SLC41A2: variants seen among roughly 807,000 people sequenced by gnomAD.
The protein encoded by SLC41A2 is SLC41A1-like 1.
Under a neutral mutation model 58.3 loss-of-function variants are expected in SLC41A2, and 32 were observed. The observed-to-expected ratio is 0.55, with a 90% CI of 0.41 to 0.74. The LOEUF (loss-of-function observed/expected upper bound fraction) is 0.74. SLC41A2 is among the 30% of genes least tolerant of loss of function. The pLI, the probability that SLC41A2 is intolerant of heterozygous loss-of-function variation, is 0.00. For missense variants in SLC41A2, 514 were observed against 680.6 expected (o/e 0.76, Z 2.72); for synonymous variants, 190 against 235.0 (o/e 0.81, Z 1.75).
chr12:104,858,967 T>C (rs1166528303), intron 8 of SLC41A2, among the ~76,000 whole-genome samples: 1 of 152,254 alleles, frequency 6.6e-6, no homozygotes, highest in East Asian at 1.9e-4. Flanking sequence ...TAATTTAAGT[T>C]AAATTTCTTA....
intron 8 of SLC41A2, among the ~76,000 whole-genome samples, chr12:104,854,547 A>G (rs2042951931): frequency 6.8e-6 from 1 of 146,970 alleles, no homozygotes; most frequent in Admixed American, 6.9e-5. Flanking sequence ...TGGGCGAAAG[A>G]GCCAGACTCC....
At chr12:104,849,887 G>C (rs956428769) in intron 8 of SLC41A2, among the ~76,000 whole-genome samples, 1 of 152,142 alleles carries the variant, frequency 6.6e-6, no homozygotes, top group African/African-American at 2.4e-5. Flanking sequence ...CTACAATCTA[G>C]CAATTCCACT....
At chr12:104,871,843 C>T (rs1289236768) in intron 6 of SLC41A2, among the ~76,000 whole-genome samples, 1 of 152,052 alleles carries the variant, frequency 6.6e-6, no homozygotes, top group Non-Finnish European at 1.5e-5. Flanking sequence ...GCAGTTTTGT[C>T]CTTAAGAAGC....
At chr12:104,821,223 G>T in intron 10 of SLC41A2, among the ~76,000 whole-genome samples, 1 of 151,728 alleles carries the variant, frequency 6.6e-6, no homozygotes. Context: ...AGAGAGAGTT[G>T]GTTTCCTTTA....
chr12:104,904,273 T>C (rs1406187283), intron 3 of SLC41A2, among the ~76,000 whole-genome samples: 1 of 152,222 alleles, frequency 6.6e-6, no homozygotes, highest in African/African-American at 2.4e-5. Flanking sequence ...TGCTTAACTA[T>C]GTTTATCAGA....
chr12:104,930,487 G>A (rs567944841), intron 1 of SLC41A2, among the ~76,000 whole-genome samples: 4 of 152,184 alleles, frequency 2.6e-5, no homozygotes, highest in Non-Finnish European at 4.4e-5. Context: ...TTAAAAAGTA[G>A]TGAGTATTTC....
chr12:104,902,432 C>T (rs1397582590), intron 3 of SLC41A2, among the ~76,000 whole-genome samples: 1 of 151,998 alleles, frequency 6.6e-6, no homozygotes, highest in Non-Finnish European at 1.5e-5. Context: ...AAGAGTATAG[C>T]TGGAAATAAG....
At chr12:104,834,121 A>G in intron 10 of SLC41A2, 1 of 985,012 alleles carries the variant, frequency 1.0e-6, no homozygotes, top group Non-Finnish European at 1.2e-6. Flanking sequence ...TGTGCCTCCA[A>G]TAAAGCAGAC....
At chr12:104,880,906 G>A (rs1169597283) in intron 6 of SLC41A2, among the ~76,000 whole-genome samples, 1 of 152,256 alleles carries the variant, frequency 6.6e-6, no homozygotes, top group East Asian at 1.9e-4. Context: ...GCTCCTCTCT[G>A]TACCTCTGGT....
intron 1 of SLC41A2, among the ~76,000 whole-genome samples, chr12:104,950,957 T>C (rs2047929180): frequency 1.3e-5 from 2 of 152,206 alleles, no homozygotes; most frequent in African/African-American, 4.8e-5. Context: ...TAAGCAGTAA[T>C]AGAAAGCAAG....
chr12:104,844,588 G>A lies in SLC41A2; in HGVS notation c.1420C>T (p.Leu474Phe), dbSNP rs1437159056. The change falls in exon 10 of 11, where the codon CTT becomes TTT. Residue 474 changes from leucine (L) to phenylalanine (F), a missense_variant. Leu to Phe is a conservative substitution (Grantham distance 22). This residue lies in a region of SLC41A2 where 128 missense variants were observed against 146.0 expected (regional missense o/e 0.88). Coordinates refer to ENST00000258538, the MANE Select transcript of SLC41A2 (RefSeq NM_001352171.3). ...VNNKSAQVLL[L>F]LVIPGHLIFL... ...ATTAAATGTCCAGGAATCACTAAAA[G>A]CAGTAGAACTTGAGCAGACTTATTA... is the stretch of plus-strand genomic sequence containing the variant. 2 of 1,557,768 alleles carry A rather than the reference G, an allele frequency of 1.3e-6. No homozygotes were observed. Among genetic ancestry groups the A allele is most frequent in the Non-Finnish European group, 1.7e-6 (2 of 1,153,202 alleles).
chr12:104,891,570 G>A (rs952740521), intron 4 of SLC41A2, among the ~76,000 whole-genome samples: 4 of 150,182 alleles, frequency 2.7e-5, no homozygotes, highest in Non-Finnish European at 5.9e-5. Flanking sequence ...TATTACCCCT[G>A]CATAGATTTC....
At chr12:104,874,594 C>T (rs1468647218) in intron 6 of SLC41A2, among the ~76,000 whole-genome samples, 1 of 152,140 alleles carries the variant, frequency 6.6e-6, no homozygotes, top group Non-Finnish European at 1.5e-5. Flanking sequence ...TCTCCCAACA[C>T]CATTTATTGA....
intron 8 of SLC41A2, among the ~76,000 whole-genome samples, chr12:104,860,660 A>C (rs1197843894): frequency 6.6e-6 from 1 of 151,926 alleles, no homozygotes; most frequent in Non-Finnish European, 1.5e-5. Flanking sequence ...TGTAGCCTCT[A>C]ACTCCTGGGC....
At chr12:104,931,660 G>A (rs528917086) in intron 1 of SLC41A2, 136 of 152,278 alleles carry the variant, frequency 8.9e-4, no homozygotes, top group African/African-American at 3.1e-3. Context: ...AAGGCCTTTG[G>A]GGGAAGACTT....
intron 1 of SLC41A2, among the ~76,000 whole-genome samples, chr12:104,942,907 C>A (rs2047566480): frequency 6.6e-6 from 1 of 152,110 alleles, no homozygotes; most frequent in South Asian, 2.1e-4. Context: ...AATTTAGAAA[C>A]TAAGTAACTG....
At chr12:104,903,156 T>G (rs970268915) in intron 3 of SLC41A2, among the ~76,000 whole-genome samples, 2 of 152,164 alleles carry the variant, frequency 1.3e-5, no homozygotes, top group East Asian at 3.8e-4. Flanking sequence ...CTCACTGCAT[T>G]CCCTGTTACC....
At chr12:104,824,541 G>T (rs944533557) in intron 10 of SLC41A2, among the ~76,000 whole-genome samples, 8 of 152,218 alleles carry the variant, frequency 5.3e-5, no homozygotes, top group Admixed American at 5.2e-4. Flanking sequence ...AAGCCCATGT[G>T]TAATCTGATT....
intron 10 of SLC41A2, among the ~76,000 whole-genome samples, chr12:104,838,813 G>T (rs766115944): frequency 2.6e-5 from 4 of 152,136 alleles, no homozygotes; most frequent in Non-Finnish European, 4.4e-5. Flanking sequence ...CTAATCTACA[G>T]CTAAGAGAAG....
Sources: allele counts gnomAD v4.1 joint callset (sites outside exome capture counted in the v4.1 genomes callset), GRCh38; gene constraint gnomAD v4.1.1; regional missense constraint gnomAD v4.1.1; transcripts MANE v1.5; gene names NCBI Gene and HGNC (gene_info 2026-07-23, HGNC 2026-07-21).